RBKS: variants seen among roughly 807,000 people sequenced by gnomAD.
RBKS encodes ribokinase.
Under a neutral mutation model 33.9 loss-of-function variants are expected in RBKS, and 33 were observed. The observed-to-expected ratio is 0.97, with a 90% confidence interval of 0.74 to 1.30. The LOEUF (loss-of-function observed/expected upper bound fraction) is 1.30. Ranked by LOEUF, RBKS falls within the 50% of genes most tolerant of loss-of-function variation. The probability of loss-of-function intolerance (pLI) is 0.00; values close to 1 mark genes in which losing one functional copy is unlikely to be tolerated. For missense variants in RBKS, 361 were observed against 392.6 expected, an observed-to-expected ratio of 0.92 and a Z score of 0.68; for synonymous variants, 125 against 143.0, an observed-to-expected ratio of 0.87 and a Z score of 0.90.
intron 7 of RBKS, among the ~76,000 whole-genome samples, chr2:27,801,980 ATATATATATATATTTTT>A (rs1487182502): frequency 6.4e-5 from 6 of 94,116 alleles, no homozygotes; most frequent in African/African-American, 2.8e-4. Context: ...ATATATATAT[ATATATATATATATTTTT>A]TTTTTTTTTT....
At chr2:27,855,242 T>C (rs944169354) in intron 2 of RBKS, among the ~76,000 whole-genome samples, 4 of 152,240 alleles carry the variant, frequency 2.6e-5, no homozygotes, top group Admixed American at 6.5e-5. Context: ...GAGAGTTTGA[T>C]AGTCTCATAT....
chr2:27,858,548 GT>G lies in RBKS; in HGVS notation c.112del (p.Thr38LeufsTer31). 6.2e-7 allele frequency: 1 copy of G among 1,613,738 alleles called. No homozygotes were observed. The highest frequency in any genetic ancestry group is 8.5e-7 in the Non-Finnish European group (1 of 1,179,836). ...LVSLTSRLPK[T>X]GETIHGHKFF... is the part of the protein sequence containing the mutation. ...CTTATGTCCATGGATGGTTTCTCCA[GT>G]TTTTGGCAAACGAGAAGTAAGACTA... On this transcript the variant is annotated frameshift_variant, in exon 2 of 8. Coordinates refer to ENST00000302188, the MANE Select transcript of RBKS (RefSeq NM_022128.3). LOFTEE classifies it high-confidence loss of function.
intron 6 of RBKS, 140 bp from the exon 7 acceptor site, chr2:27,827,895 G>A: frequency 1.4e-5 from 9 of 639,094 alleles, no homozygotes; most frequent in South Asian, 5.7e-5. Context: ...TACTGGTACA[G>A]GAAAATAAAT....
At chr2:27,848,493 T>G (rs1663667368) in intron 2 of RBKS, among the ~76,000 whole-genome samples, 1 of 152,218 alleles carries the variant, frequency 6.6e-6, no homozygotes, top group South Asian at 2.1e-4. Flanking sequence ...AGAATCTTTT[T>G]ATCTTCTCCC....
chr2:27,861,675 G>GA (rs1663991388), intron 1 of RBKS: 1 of 426,486 alleles, frequency 2.3e-6, no homozygotes, highest in African/African-American at 2.1e-5. Context: ...GGGGGGGGGT[G>GA]GAGTCTCACT....
chr2:27,798,511 A>C (rs1331228398), intron 7 of RBKS, among the ~76,000 whole-genome samples: 1 of 152,032 alleles, frequency 6.6e-6, no homozygotes, highest in African/African-American at 2.4e-5. Flanking sequence ...AATGTTTCTC[A>C]AATCTGTCCT....
At chr2:27,846,352 G>A (rs1317212140) in intron 4 of RBKS, among the ~76,000 whole-genome samples, 1 of 152,198 alleles carries the variant, frequency 6.6e-6, no homozygotes, top group Non-Finnish European at 1.5e-5. Context: ...CACGCAGGCT[G>A]AAGTGCAGTG....
intron 7 of RBKS, among the ~76,000 whole-genome samples, chr2:27,794,212 G>A (rs1411469998): frequency 2.6e-5 from 4 of 151,088 alleles, no homozygotes; most frequent in Non-Finnish European, 5.9e-5. Flanking sequence ...CAGGAGAATC[G>A]CTTGAACCTG....
At chr2:27,793,173 T>C (rs1558534027) in intron 7 of RBKS, among the ~76,000 whole-genome samples, 1 of 152,230 alleles carries the variant, frequency 6.6e-6, no homozygotes, top group Non-Finnish European at 1.5e-5. Context: ...AGAAAAATTC[T>C]TCCTTACAGT....
intron 7 of RBKS, among the ~76,000 whole-genome samples, chr2:27,801,464 T>TACAAAC (rs1231907303): frequency 7.3e-6 from 1 of 136,260 alleles, no homozygotes; most frequent in Non-Finnish European, 1.6e-5. Context: ...GGCCACAGTA[T>TACAAAC]ACACACACAC....
At chr2:27,786,793 AAAGAAAG>A (rs1677413240) in intron 7 of RBKS, among the ~76,000 whole-genome samples, 1 of 81,320 alleles carries the variant, frequency 1.2e-5, no homozygotes, top group Non-Finnish European at 2.3e-5. Flanking sequence ...AAAAAAAAAA[AAAGAAAG>A]AAAGTTTAAA....
intron 1 of RBKS, among the ~76,000 whole-genome samples, chr2:27,867,605 A>G (rs1380901831): frequency 6.6e-6 from 1 of 152,170 alleles, no homozygotes; most frequent in African/African-American, 2.4e-5. Flanking sequence ...AATATTAAAC[A>G]TACACATAAA....
In RBKS at chr2:27,827,635, C is replaced by T. The variant is rs768341460; in HGVS notation, c.727G>A (p.Val243Met). ...GGCTCAGGTTCTGTCTGTGACAGCA[C>T]CACACATCCTTCAGCCCCTAAGGTA... The part of the protein sequence containing the change: ...IITLGAEGCV[V>M]LSQTEPEPKH... Residue 243 changes from valine to methionine, a missense_variant, in exon 7 of 8, where the codon GTG (valine) becomes ATG (methionine). Val to Met is a conservative substitution (Grantham distance 21). Transcript: ENST00000302188. The T allele has an allele frequency of 6.2e-7, 1 of 1,613,788 alleles. No individual in the cohort carries two copies.
intron 2 of RBKS, among the ~76,000 whole-genome samples, chr2:27,849,484 C>T (rs1203293984): frequency 1.5e-5 from 2 of 132,916 alleles, no homozygotes; most frequent in Non-Finnish European, 3.0e-5. Context: ...TGCTTAAACC[C>T]AGGAGGCGGA....
At chr2:27,861,733 C>A (rs1199938238) in intron 1 of RBKS, among the ~76,000 whole-genome samples, 4 of 150,034 alleles carry the variant, frequency 2.7e-5, no homozygotes, top group African/African-American at 9.8e-5. Context: ...CTCACTGTTA[C>A]CTCTGCCTCC....
chr2:27,835,231 G>A (rs565524683), intron 5 of RBKS, among the ~76,000 whole-genome samples: 4 of 150,256 alleles, frequency 2.7e-5, no homozygotes, highest in African/African-American at 4.9e-5. Context: ...AGCTGAGATC[G>A]CGTCATTGCA....
At chr2:27,806,396 C>A (rs1284080214) in intron 7 of RBKS, among the ~76,000 whole-genome samples, 1 of 152,214 alleles carries the variant, frequency 6.6e-6, no homozygotes, top group East Asian at 1.9e-4. Flanking sequence ...AATGTTCAGG[C>A]TACCAGAATT....
chr2:27,890,190 TG>T lies in RBKS; in HGVS notation c.89+66del. 1 of 1,498,320 alleles carries T rather than the reference TG, an allele frequency of 6.7e-7. No individual in the cohort carries two copies. The highest frequency in any genetic ancestry group is 9.2e-7 in the Non-Finnish European group (1 of 1,083,420). The allele number at this position is 1,498,320 out of a possible 1,614,324, so 92.8% of individuals were successfully genotyped here. A position where few individuals can be genotyped will look rare whatever the true frequency, so the allele number is the denominator to read the frequency against. On this transcript the variant is annotated intron_variant, in intron 1 of 7. Coordinates refer to ENST00000302188, the MANE Select transcript of RBKS (RefSeq NM_022128.3). This position sits in a 1 kb window ranked among gnomAD's most constrained non-coding sequence, Gnocchi z 4.8. ...GAGACCCAGCGCCCAAAAGCTCCAC[TG>T]GGCGCATAGCGCACGGCACGCCTCC...
chr2:27,810,099 G>A lies in RBKS; in HGVS notation c.795+17468C>T, dbSNP rs1677963144. The stretch of plus-strand genomic sequence containing the variant: ...ATTGTTCTGTGAATCTAACTGCATT[G>A]AAAGCTGGTGTGGATGATTCACAAC... On this transcript the variant is annotated intron_variant, in intron 7 of 7. Transcript: ENST00000302188. The surrounding 1 kb of genome is among the most constrained non-coding windows in gnomAD (Gnocchi z 4.4). 7.7e-7 allele frequency: 1 copy of A among 1,302,254 alleles called. No individual in the cohort carries two copies. Among genetic ancestry groups the A allele is most frequent in the African/African-American group, 1.5e-5 (1 of 65,802 alleles). The allele number at this position is 1,302,254 out of a possible 1,614,324, so 80.7% of individuals were successfully genotyped here. A position where few individuals can be genotyped will look rare whatever the true frequency, so the allele number is the denominator to read the frequency against.
Sources: allele counts gnomAD v4.1 joint callset (sites outside exome capture counted in the v4.1 genomes callset), GRCh38; gene constraint gnomAD v4.1.1; non-coding constraint Gnocchi (gnomAD v3.1); transcripts MANE v1.5; gene names NCBI Gene and HGNC (gene_info 2026-07-23, HGNC 2026-07-21).